The following GNAI1 variants were observed in gnomAD, a reference collection of about 807,000 sequenced individuals.
GNAI1 encodes the protein G protein subunit alpha i1.
A neutral mutation model predicts 38.9 loss-of-function variants in GNAI1; 11 were observed. The ratio of observed to expected loss-of-function variants is 0.28; its 90% confidence interval spans 0.18 to 0.47. The LOEUF (loss-of-function observed/expected upper bound fraction) is 0.47. GNAI1 is among the 20% of genes least tolerant of loss of function. The probability of loss-of-function intolerance (pLI) is 0.99; values close to 1 mark genes in which losing one functional copy is unlikely to be tolerated. For missense variants in GNAI1, 317 were observed against 436.9 expected (o/e 0.73, Z 2.45); for synonymous variants, 166 against 145.1 (o/e 1.14, Z -1.04).
chr7:80,140,165 T>C (rs1787501043), intron 1 of GNAI1, among the ~76,000 whole-genome samples: 1 of 152,130 alleles, frequency 6.6e-6, no homozygotes, highest in Non-Finnish European at 1.5e-5. Context: ...TTTGTATTTG[T>C]AGTAGAGACG....
intron 1 of GNAI1, among the ~76,000 whole-genome samples, chr7:80,154,091 T>A (rs1365198679): frequency 6.6e-6 from 1 of 151,938 alleles, no homozygotes; most frequent in Non-Finnish European, 1.5e-5. Flanking sequence ...CCCAGCTAAA[T>A]TTTGTATTTT....
intron 3 of GNAI1, among the ~76,000 whole-genome samples, chr7:80,195,337 G>C (rs2115655188): frequency 6.6e-6 from 1 of 151,638 alleles, no homozygotes; most frequent in South Asian, 2.1e-4. Flanking sequence ...TTTATTTTAG[G>C]CTTTTTCCCC....
intron 5 of GNAI1, among the ~76,000 whole-genome samples, chr7:80,207,573 T>C (rs1034431370): frequency 6.6e-6 from 1 of 152,128 alleles, no homozygotes; most frequent in Non-Finnish European, 1.5e-5. Flanking sequence ...TTCTGTTAAA[T>C]TACTATCATT....
Position 80,225,017 on chromosome 7 carries a change from G to C in GNAI1, c.*7524G>C, listed in dbSNP as rs1789135866. 6.7e-6 allele frequency among the ~76,000 whole-genome samples: 1 copy of C among 149,394 alleles called. No individual in the cohort carries two copies. ...TGCATGGAAATGTTCCCAAGTTTTA[G>C]AGAAACACATACAAAAACTAAAAAG... On this transcript the variant is annotated 3_prime_UTR_variant, in exon 8 of 8. Coordinates refer to ENST00000649796, the MANE Select transcript of GNAI1 (RefSeq NM_002069.6).
chr7:80,148,172 C>T (rs114827916), intron 1 of GNAI1, among the ~76,000 whole-genome samples: 2,908 of 152,026 alleles, frequency 0.019, 88 homozygotes, highest in African/African-American at 0.066. Flanking sequence ...TGCTTTTTGC[C>T]AAAAACTATT....
intron 1 of GNAI1, among the ~76,000 whole-genome samples, chr7:80,177,346 G>A (rs78291499): frequency 0.09 from 13,673 of 152,148 alleles, 645 homozygotes; most frequent in African/African-American, 0.11. Flanking sequence ...TCTTTTTAGA[G>A]CGTGGTTTTC....
At position 80,202,870 on chromosome 7, in the gene GNAI1, C is replaced by T. The variant is rs555919962; in HGVS notation, c.462-834C>T. Among the ~76,000 whole-genome samples the T allele has an allele frequency of 2.5e-4, 38 of 152,278 alleles. 1 individual carries two copies. Among genetic ancestry groups the T allele is most frequent in the South Asian group, 1.4e-3 (7 of 4,830 alleles). On this transcript the variant is annotated intron_variant, in intron 4 of 7. Transcript: ENST00000649796. Reference sequence around the variant, plus strand: ...CCATGCAACTGTTCCCATCTCCATACTGATTTACAGCTTCTCCTGGGGCAG... The same window carrying T: ...CCATGCAACTGTTCCCATCTCCATATTGATTTACAGCTTCTCCTGGGGCAG...
At chr7:80,203,888 G>T in intron 5 of GNAI1, 56 bp downstream of exon 5, 2 of 1,011,582 alleles carry the variant, frequency 2.0e-6, no homozygotes, top group Non-Finnish European at 2.8e-6. Flanking sequence ...CATTGCTTTA[G>T]AAATAAAAAG....
chr7:80,167,521 G>A (rs4731252), intron 1 of GNAI1, among the ~76,000 whole-genome samples: 23,418 of 152,122 alleles, frequency 0.15, 1,917 homozygotes, highest in South Asian at 0.24. Context: ...AACAAAATTT[G>A]TAGATAATAG....
chr7:80,189,264 TGGG>T, intron 3 of GNAI1, 33 bp downstream of exon 3: 1 of 1,589,018 alleles, frequency 6.3e-7, no homozygotes, highest in Non-Finnish European at 8.6e-7. Flanking sequence ...GCTGACCTGA[TGGG>T]TAAAAAGAAT....
chr7:80,172,546 C>CT (rs933538534), intron 1 of GNAI1, among the ~76,000 whole-genome samples: 1 of 151,884 alleles, frequency 6.6e-6, no homozygotes, highest in Non-Finnish European at 1.5e-5. Context: ...GAGTCATGAC[C>CT]TTTTTTTTCT....
intron 5 of GNAI1, among the ~76,000 whole-genome samples, chr7:80,207,267 A>G (rs1355016940): frequency 9.9e-5 from 15 of 152,108 alleles, no homozygotes; most frequent in Non-Finnish European, 7.4e-5. Flanking sequence ...CAGTCTGACT[A>G]TATAAAATTC....
intron 6 of GNAI1, among the ~76,000 whole-genome samples, chr7:80,211,569 C>A (rs1788874130): frequency 6.6e-6 from 1 of 152,108 alleles, no homozygotes; most frequent in African/African-American, 2.4e-5. Flanking sequence ...CAGGCACGTG[C>A]CACCACACCC....
intron 1 of GNAI1, among the ~76,000 whole-genome samples, chr7:80,149,323 T>C (rs975982100): frequency 6.6e-6 from 1 of 152,164 alleles, no homozygotes; most frequent in African/African-American, 2.4e-5. Flanking sequence ...CTGTCAAATT[T>C]TATGCATGTA....
At chr7:80,204,587 A>G (rs1469902560) in intron 5 of GNAI1, among the ~76,000 whole-genome samples, 1 of 152,254 alleles carries the variant, frequency 6.6e-6, no homozygotes, top group African/African-American at 2.4e-5. Context: ...TAATGTTTTC[A>G]TTTGCAGAGT....
At chr7:80,142,519 C>T (rs1451264992) in intron 1 of GNAI1, among the ~76,000 whole-genome samples, 3 of 152,112 alleles carry the variant, frequency 2.0e-5, no homozygotes, top group Non-Finnish European at 4.4e-5. Flanking sequence ...TTTTTATTGT[C>T]TGTTGCCTTT....
intron 1 of GNAI1, among the ~76,000 whole-genome samples, chr7:80,145,599 T>C (rs1346334993): frequency 6.6e-6 from 1 of 152,212 alleles, no homozygotes; most frequent in Non-Finnish European, 1.5e-5. Flanking sequence ...TTCTAATCTT[T>C]AGCTTGAAAA....
In GNAI1 at chr7:80,217,212, C is replaced by CTTCAGTTTCATATGTATGAAACTGAA. The variant is rs1788986756; in HGVS notation, c.875-84_875-59dup. The CTTCAGTTTCATATGTATGAAACTGAA allele has an allele frequency of 9.2e-5, 73 of 790,854 alleles. No individual in the cohort carries two copies. The East Asian group carries it at 1.7e-3, about 19-fold the overall frequency. 49.0% of individuals were successfully genotyped at this position (790,854 alleles called of 1,614,324 possible). On this transcript the variant is annotated intron_variant, in intron 7 of 7. Transcript: ENST00000649796. Reference sequence around the variant, plus strand: ...CATGAATGAAACTGTATGAAACTGACTTCAGTTTCATATGTATGAAACTGA... The same window carrying CTTCAGTTTCATATGTATGAAACTGAA: ...CATGAATGAAACTGTATGAAACTGACTTCAGTTTCATATGTATGAAACTGAATTCAGTTTCATATGTATGAAACTGA...
intron 5 of GNAI1, among the ~76,000 whole-genome samples, chr7:80,205,658 C>CGT (rs1353971852): frequency 6.6e-6 from 1 of 151,514 alleles, no homozygotes; most frequent in Non-Finnish European, 1.5e-5. Context: ...TTTACAAGAC[C>CGT]GTGTATATAT....
Sources: gnomAD v4.1 joint callset for allele counts (sites outside exome capture counted in the v4.1 genomes callset) on GRCh38, gnomAD v4.1.1 for gene constraint, MANE v1.5 for transcripts, NCBI Gene and HGNC (gene_info 2026-07-23, HGNC 2026-07-21) for gene names.